Variants in ST3GAL6 observed in about 807,000 individuals in gnomAD.
The protein encoded by ST3GAL6 is ST3 beta-galactoside alpha-2,3-sialyltransferase 6, also known as type 2 lactosamine alpha-2,3-sialyltransferase.
In ST3GAL6, 31 loss-of-function variants were observed where a neutral mutation model predicts 40.5. The ratio of observed to expected loss-of-function variants is 0.77; its 90% confidence interval spans 0.58 to 1.03. The LOEUF (loss-of-function observed/expected upper bound fraction) is 1.03. Among genes scored for constraint, ST3GAL6 ranks in the 50% least tolerant of loss-of-function variants. The probability of loss-of-function intolerance (pLI) is 0.00; values close to 1 mark genes in which losing one functional copy is unlikely to be tolerated. For synonymous variants in ST3GAL6, 129 were observed against 136.9 expected (o/e 0.94, Z 0.40); for missense variants, 357 against 393.2 (o/e 0.91, Z 0.78).
Position 98,785,027 on chromosome 3 carries a change from G to C in ST3GAL6, c.418G>C (p.Asp140His). 1 of 1,600,246 alleles carries C rather than the reference G, an allele frequency of 6.2e-7. No individual in the cohort carries two copies. Among genetic ancestry groups the C allele is most frequent in the Non-Finnish European group, 8.6e-7 (1 of 1,167,776 alleles). The change falls in exon 6 of 10, where the codon GAT becomes CAT. Residue 140 changes from aspartate (D) to histidine (H), a missense_variant. Physicochemically the swap from Asp to His is moderately conservative, Grantham distance 81 (BLOSUM62 -1). Transcript: ENST00000483910. ...KTLGEKIDSY[D>H]VIIRMNNGPV... ...ATTAGGAGAAAAAATCGACTCCTATGATGTAATAATAAGGTAAATATATTT... is the reference window on the plus strand; with the variant it reads ...ATTAGGAGAAAAAATCGACTCCTATCATGTAATAATAAGGTAAATATATTT...
rs3772087 is a variant in ST3GAL6 at position 98,745,977 on chromosome 3, C to T, written c.-12+13445C>T. 3.3e-5 allele frequency among the ~76,000 whole-genome samples: 5 copies of T among 151,928 alleles called. No individual in the cohort carries two copies. The East Asian group carries it at 7.7e-4, about 23-fold the overall frequency. On this transcript the variant is annotated intron_variant, in intron 1 of 9. Transcript: ENST00000265261. ...CTCTCGGCTCAGACAGTCCTTACAC[C>T]CTGAGATTTCATGGCATGTGATAGA... is the stretch of plus-strand genomic sequence containing the variant.
intron 4 of ST3GAL6, 66 bp from the exon 5 acceptor site, chr3:98,773,854 G>T: frequency 3.1e-6 from 4 of 1,306,664 alleles, no homozygotes; most frequent in Non-Finnish European, 1.1e-6. Context: ...AGGGAGTAAG[G>T]TGGTTTACTA....
At chr3:98,754,965 T>C (rs1937312108) in intron 1 of ST3GAL6, among the ~76,000 whole-genome samples, 1 of 152,262 alleles carries the variant, frequency 6.6e-6, no homozygotes, top group South Asian at 2.1e-4. Flanking sequence ...TGTGACTTGC[T>C]TTATTGTGAT....
intron 1 of ST3GAL6, among the ~76,000 whole-genome samples, chr3:98,746,462 T>C (rs1229851686): frequency 3.3e-5 from 5 of 152,158 alleles, no homozygotes; most frequent in Admixed American, 3.3e-4. Flanking sequence ...AAGATACTTT[T>C]CTTCTCCCCT....
chr3:98,733,386 T>C, intron 1 of ST3GAL6: 1 of 1,037,612 alleles, frequency 9.6e-7, no homozygotes. Context: ...CCGGCGAGGT[T>C]GTGCAATTGG....
chr3:98,751,317 A>G (rs553176698), intron 1 of ST3GAL6, among the ~76,000 whole-genome samples: 1 of 152,334 alleles, frequency 6.6e-6, no homozygotes, highest in South Asian at 2.1e-4. Context: ...TATACTTTCT[A>G]TACATTTAAG....
chr3:98,756,557 C>T (rs753469090), intron 1 of ST3GAL6: 99 of 1,228,146 alleles, frequency 8.1e-5, no homozygotes, highest in Non-Finnish European at 1.0e-4. Context: ...AAAGGCAACA[C>T]CACCATTGTC....
In ST3GAL6 at chr3:98,793,729, A is replaced by C; in HGVS notation, c.964A>C (p.Lys322Gln). The C allele has an allele frequency of 6.2e-7, 1 of 1,604,562 alleles. No homozygotes were observed. Among genetic ancestry groups the C allele is most frequent in the Non-Finnish European group, 8.5e-7 (1 of 1,175,964 alleles). ...EQLFLKDIIE[K>Q]NLVINLTQD is the part of the protein sequence containing the mutation. ...GCTCTTTTTGAAGGACATTATAGAA[A>C]AAAACCTCGTAATCAACTTGACTCA... Residue 322 changes from lysine (K) to glutamine (Q), a missense_variant, in exon 10 of 10, where the codon AAA becomes CAA. Physicochemically the swap from Lys to Gln is moderately conservative, Grantham distance 53. Coordinates refer to ENST00000483910, the MANE Select transcript of ST3GAL6 (RefSeq NM_001323368.2).
At chr3:98,782,801 G>A in intron 5 of ST3GAL6, 1 of 512,320 alleles carries the variant, frequency 2.0e-6, no homozygotes. Flanking sequence ...GATGCTTCAG[G>A]AGAAACAGGA....
At chr3:98,754,743 A>T (rs527786264) in intron 1 of ST3GAL6, among the ~76,000 whole-genome samples, 1 of 152,358 alleles carries the variant, frequency 6.6e-6, no homozygotes, top group South Asian at 2.1e-4. Flanking sequence ...CCAGCCTGAT[A>T]AGTTAGTAGC....
intron 5 of ST3GAL6, chr3:98,782,926 AGTC>A: frequency 4.6e-6 from 1 of 215,604 alleles, no homozygotes. Flanking sequence ...TACTCAGCTC[AGTC>A]TATTACTCAG....
At chr3:98,738,928 C>A (rs1379864806) in intron 1 of ST3GAL6, among the ~76,000 whole-genome samples, 1 of 152,160 alleles carries the variant, frequency 6.6e-6, no homozygotes, top group Non-Finnish European at 1.5e-5. Context: ...GGCACATACT[C>A]TAAAACCAAC....
At position 98,788,374 on chromosome 3, in the gene ST3GAL6, C is replaced by A. The variant is rs752464198; in HGVS notation, c.667C>A (p.Pro223Thr). The A allele has an allele frequency of 1.2e-6, 2 of 1,612,916 alleles. No homozygotes were observed. Among genetic ancestry groups the A allele is most frequent in the Non-Finnish European group, 1.7e-6 (2 of 1,179,612 alleles). The change falls in exon 8 of 10, where the codon CCT (proline) becomes ACT (threonine). Residue 223 changes from proline to threonine, a missense_variant. Physicochemically the swap from Pro to Thr is conservative, Grantham distance 38. Coordinates refer to ENST00000483910, the MANE Select transcript of ST3GAL6 (RefSeq NM_001323368.2). ...ACCAGCCTTAAACCTGATTTATAAA[C>A]CTTATCAAATCCGAATATTAGATCC... ...KKPALNLIYK[P>T]YQIRILDPFI...
intron 9 of ST3GAL6, 49 bp downstream of exon 9, chr3:98,792,042 T>C: frequency 6.9e-7 from 1 of 1,457,404 alleles, no homozygotes; most frequent in East Asian, 2.5e-5. Context: ...GACTAATCTT[T>C]GAGGGATGGA....
At position 98,751,973 on chromosome 3, in the gene ST3GAL6, A is replaced by C. The variant is rs373423144; in HGVS notation, c.-11-16457A>C. Among the ~76,000 whole-genome samples, 8 of 152,212 alleles carry C rather than the reference A, an allele frequency of 5.3e-5. No individual in the cohort carries two copies. The East Asian group carries it at 5.8e-4, about 11-fold the overall frequency. On this transcript the variant is annotated intron_variant, in intron 1 of 9. Coordinates refer to the ST3GAL6 transcript ENST00000265261. ...GAGTTCATAAATGGCCTATGAAATA[A>C]AATATTTGCCAATTTTAAGGTATTT... is the stretch of plus-strand genomic sequence containing the variant.
At position 98,733,016 on chromosome 3, in the gene ST3GAL6, G is replaced by A. The variant is rs761249913; in HGVS notation, c.-12+484G>A. ...CTGCGGGTTTGCACTGCCCGGGTGA[G>A]GGAAATTGGGGGTGCGGGAAGACCG... On this transcript the variant is annotated intron_variant, in intron 1 of 9. Transcript: ENST00000265261. 3 of 1,442,504 alleles carry A rather than the reference G, an allele frequency of 2.1e-6. No homozygotes were observed. In the Admixed American group the frequency reaches 7.6e-5, roughly 37 times the overall value. 89.4% of individuals were successfully genotyped at this position (1,442,504 alleles called of 1,614,324 possible).
chr3:98,737,225 T>G (rs755125267), intron 1 of ST3GAL6, among the ~76,000 whole-genome samples: 9 of 152,016 alleles, frequency 5.9e-5, no homozygotes, highest in Admixed American at 2.0e-4. Flanking sequence ...TTTTCTGTAT[T>G]TTTTTTGTAG....
intron 5 of ST3GAL6, among the ~76,000 whole-genome samples, chr3:98,776,564 AG>A (rs1939571207): frequency 6.6e-6 from 1 of 152,194 alleles, no homozygotes; most frequent in Admixed American, 6.5e-5. Context: ...TAGGTCAGAG[AG>A]GAGGAGCTGA....
rs552243500 is a variant in ST3GAL6, at chr3:98,735,969, TATAA to T, written c.-12+3438_-12+3441del. Among the ~76,000 whole-genome samples, 1,273 of 152,314 alleles carry T rather than the reference TATAA, an allele frequency of 8.4e-3. 13 individuals carry two copies. Among genetic ancestry groups the T allele is most frequent in the South Asian group, 0.022 (108 of 4,826 alleles). Reference sequence around the variant, plus strand: ...GACTTGGTCAGGAACTTGACTGTCGTATAATCAGGCTAAGAAGTGCTGAGATTCT... The same window carrying T: ...GACTTGGTCAGGAACTTGACTGTCGTTCAGGCTAAGAAGTGCTGAGATTCT... On this transcript the variant is annotated intron_variant, in intron 1 of 9. Transcript: ENST00000265261.
Sources: gnomAD v4.1 joint callset for allele counts (sites outside exome capture counted in the v4.1 genomes callset) on GRCh38, gnomAD v4.1.1 for gene constraint, MANE v1.5 for transcripts, NCBI Gene and HGNC (gene_info 2026-07-23, HGNC 2026-07-21) for gene names.